Variants in SDK1 observed in about 807,000 individuals in gnomAD.
SDK1 encodes the protein protein sidekick-1.
Under a neutral mutation model 245.5 loss-of-function variants are expected in SDK1, and 157 were observed. The ratio of observed to expected loss-of-function variants is 0.64; its 90% CI spans 0.56 to 0.73. The LOEUF is 0.73. Among genes scored for constraint, SDK1 ranks in the 30% least tolerant of loss-of-function variants. The probability of loss-of-function intolerance (pLI) is 0.00; values close to 1 mark genes in which losing one functional copy is unlikely to be tolerated. For missense variants in SDK1, 3,583 were observed against 3,002.3 expected (o/e 1.19, Z -4.52); for synonymous variants, 1,647 against 1,278.5 (o/e 1.29, Z -6.15).
intron 1 of SDK1, among the ~76,000 whole-genome samples, chr7:3,494,571 C>T (rs1198655971): frequency 6.6e-6 from 1 of 152,176 alleles, no homozygotes; most frequent in Non-Finnish European, 1.5e-5. Context: ...TGAATTAGCT[C>T]ATTAACATAT....
chr7:4,163,850 T>C (rs973227761), intron 32 of SDK1, among the ~76,000 whole-genome samples: 16 of 152,194 alleles, frequency 1.1e-4, no homozygotes, highest in Admixed American at 6.5e-5. Flanking sequence ...CTATGAAATA[T>C]GACCATGTTT....
intron 14 of SDK1, among the ~76,000 whole-genome samples, chr7:4,001,313 A>G (rs1202143038): frequency 1.3e-5 from 2 of 152,166 alleles, no homozygotes; most frequent in Admixed American, 6.5e-5. Flanking sequence ...AAGCTTCTGG[A>G]TATATCCAGT....
intron 1 of SDK1, among the ~76,000 whole-genome samples, chr7:3,502,371 T>C (rs1782244471): frequency 6.6e-6 from 1 of 152,156 alleles, no homozygotes; most frequent in Non-Finnish European, 1.5e-5. Flanking sequence ...TGCCTCAGCC[T>C]CCCGAGTAGG....
At chr7:3,886,149 T>C (rs915688036) in intron 5 of SDK1, among the ~76,000 whole-genome samples, 1 of 152,198 alleles carries the variant, frequency 6.6e-6, no homozygotes, top group Non-Finnish European at 1.5e-5. Context: ...TGTACAGTTA[T>C]CCTACGTCAG....
At chr7:3,911,002 C>T (rs963441417) in intron 5 of SDK1, among the ~76,000 whole-genome samples, 15 of 152,304 alleles carry the variant, frequency 9.8e-5, no homozygotes, top group African/African-American at 3.6e-4. Flanking sequence ...GCATTCCGCT[C>T]TCCTCCAGCG....
intron 14 of SDK1, among the ~76,000 whole-genome samples, chr7:3,994,695 T>C (rs1784572141): frequency 6.6e-6 from 1 of 151,914 alleles, no homozygotes; most frequent in African/African-American, 2.4e-5. Context: ...TCCTTCACCA[T>C]TAATTCTCTC....
chr7:4,011,742 T>C (rs879694356), intron 15 of SDK1, among the ~76,000 whole-genome samples: 1 of 152,042 alleles, frequency 6.6e-6, no homozygotes, highest in Non-Finnish European at 1.5e-5. Flanking sequence ...ATATGAGAAA[T>C]ATTGAAAGAG....
At chr7:4,095,290 G>A (rs981783221) in intron 22 of SDK1, among the ~76,000 whole-genome samples, 6 of 141,186 alleles carry the variant, frequency 4.2e-5, no homozygotes, top group Non-Finnish European at 7.7e-5. Flanking sequence ...GTCTTCCTCA[G>A]CTCCCCCACA....
Position 4,092,162 on chromosome 7 carries a change from G to A in SDK1, c.3324+12578G>A, listed in dbSNP as rs117055262. Among the ~76,000 whole-genome samples the A allele has an allele frequency of 7.1e-3, 1,081 of 152,282 alleles. 5 individuals carry two copies. Among genetic ancestry groups the A allele is most frequent in the Admixed American group, 0.012 (178 of 15,304 alleles). ...GCCCTAATAACAGTGCCTGTCTCAC[G>A]GGTGATTGAGAGAACTAGAACATGG... is the stretch of plus-strand genomic sequence containing the variant. On this transcript the variant is annotated intron_variant, in intron 22 of 44. Transcript: ENST00000404826.
chr7:3,974,317 T>A, intron 12 of SDK1, 52 bp from the exon 13 acceptor site: 2 of 1,520,916 alleles, frequency 1.3e-6, no homozygotes, highest in Non-Finnish European at 1.8e-6. Context: ...GAAGGAGCAG[T>A]GATTCTGTCA....
chr7:4,243,598 C>T (rs1462360352), intron 43 of SDK1, among the ~76,000 whole-genome samples: 1 of 151,620 alleles, frequency 6.6e-6, no homozygotes, highest in Admixed American at 6.6e-5. Flanking sequence ...TGTAGGGAAA[C>T]TCCCCTTTAT....
chr7:3,583,135 C>T (rs1421249859), intron 1 of SDK1, among the ~76,000 whole-genome samples: 1 of 152,162 alleles, frequency 6.6e-6, no homozygotes, highest in Non-Finnish European at 1.5e-5. Flanking sequence ...CTCTGCAGGC[C>T]TCCAGCTGGT....
chr7:4,193,594 C>T (rs1018488149), intron 35 of SDK1, among the ~76,000 whole-genome samples: 8 of 151,890 alleles, frequency 5.3e-5, no homozygotes, highest in Non-Finnish European at 8.8e-5. Context: ...CATTCTTTTT[C>T]GGTCCATGCC....
At chr7:3,904,384 A>G (rs1781893719) in intron 5 of SDK1, among the ~76,000 whole-genome samples, 1 of 152,120 alleles carries the variant, frequency 6.6e-6, no homozygotes, top group South Asian at 2.1e-4. Flanking sequence ...CCTGGTGAAT[A>G]TAATATAATA....
At chr7:3,600,205 C>A (rs923787035) in intron 1 of SDK1, among the ~76,000 whole-genome samples, 4 of 152,048 alleles carry the variant, frequency 2.6e-5, no homozygotes, top group Non-Finnish European at 1.5e-5. Flanking sequence ...TTATGTGTTT[C>A]ATTTTGGTTT....
chr7:3,692,584 C>G (rs1784465571), intron 4 of SDK1, among the ~76,000 whole-genome samples: 1 of 151,748 alleles, frequency 6.6e-6, no homozygotes, highest in African/African-American at 2.4e-5. Context: ...AATTTTTGTG[C>G]TTATTTAAAC....
rs192227207 is a variant in SDK1, at chr7:3,964,372, A to G, written c.1429+1521A>G. ...TAAGCCCTCCTCTTTCTTGAGGAGAAGTAGAAAAAACTCCCTTATTTTCTG... is the reference window on the plus strand; with the variant it reads ...TAAGCCCTCCTCTTTCTTGAGGAGAGGTAGAAAAAACTCCCTTATTTTCTG... On this transcript the variant is annotated intron_variant, in intron 9 of 44. Coordinates refer to ENST00000404826, the MANE Select transcript of SDK1 (RefSeq NM_152744.4). Among the ~76,000 whole-genome samples the G allele has an allele frequency of 1.5e-3, 221 of 152,348 alleles. 1 individual carries two copies. Among genetic ancestry groups the G allele is most frequent in the Admixed American group, 0.013 (198 of 15,304 alleles).
chr7:3,792,078 T>A (rs912121429), intron 4 of SDK1, among the ~76,000 whole-genome samples: 2 of 152,036 alleles, frequency 1.3e-5, no homozygotes, highest in Non-Finnish European at 2.9e-5. Flanking sequence ...CAGTGAGTTA[T>A]GAGTGCACCA....
intron 4 of SDK1, among the ~76,000 whole-genome samples, chr7:3,683,999 G>A (rs771938659): frequency 2.6e-5 from 4 of 152,172 alleles, no homozygotes; most frequent in African/African-American, 7.2e-5. Flanking sequence ...GTTTCAGCGG[G>A]CAGAATGAAA....
Sources: allele counts gnomAD v4.1 joint callset (sites outside exome capture counted in the v4.1 genomes callset), GRCh38; gene constraint gnomAD v4.1.1; transcripts MANE v1.5; gene names NCBI Gene and HGNC (gene_info 2026-07-23, HGNC 2026-07-21).